The following PELI2 variants were observed in gnomAD, a reference collection of about 807,000 sequenced individuals.
The protein encoded by PELI2 is E3 ubiquitin-protein ligase pellino homolog 2.
In PELI2, 23 loss-of-function variants were observed where a neutral mutation model predicts 42.3. The observed-to-expected ratio is 0.54, with a 90% CI of 0.39 to 0.77. The LOEUF is 0.77. Ranked by LOEUF, PELI2 falls within the 30% of genes least tolerant of loss-of-function variation. The probability of loss-of-function intolerance (pLI) is 0.00; values close to 1 mark genes in which losing one functional copy is unlikely to be tolerated. For missense variants in PELI2, 463 were observed against 553.2 expected, an observed-to-expected ratio of 0.84 and a Z score of 1.64; for synonymous variants, 245 against 212.2, an observed-to-expected ratio of 1.15 and a Z score of -1.34.
chr14:56,186,696 G>A (rs1377522327), intron 2 of PELI2, among the ~76,000 whole-genome samples: 1 of 152,100 alleles, frequency 6.6e-6, no homozygotes, highest in Non-Finnish European at 1.5e-5. Flanking sequence ...GAGCAGGAAA[G>A]CTTGACTCTA....
intron 2 of PELI2, among the ~76,000 whole-genome samples, chr14:56,257,090 C>G (rs1275162665): frequency 2.6e-5 from 4 of 152,102 alleles, no homozygotes; most frequent in African/African-American, 9.7e-5. Context: ...TAGTGGGCAT[C>G]AAGGGCAAGT....
intron 2 of PELI2, among the ~76,000 whole-genome samples, chr14:56,199,698 A>G (rs560060313): frequency 1.4e-4 from 22 of 152,340 alleles, no homozygotes; most frequent in African/African-American, 5.3e-4. Context: ...AGGTTATATA[A>G]ACGGATAAGA....
chr14:56,160,256 G>A (rs1404731322), intron 1 of PELI2, among the ~76,000 whole-genome samples: 1 of 152,140 alleles, frequency 6.6e-6, no homozygotes, highest in East Asian at 1.9e-4. Flanking sequence ...ACACCACACT[G>A]TCCCAGAACC....
At chr14:56,164,756 A>C (rs1217825391) in intron 1 of PELI2, among the ~76,000 whole-genome samples, 1 of 151,778 alleles carries the variant, frequency 6.6e-6, no homozygotes, top group Non-Finnish European at 1.5e-5. Flanking sequence ...TTCCTGGTTC[A>C]ATCTTTGTAA....
chr14:56,198,391 TAGGG>T (rs1886216235), intron 2 of PELI2, among the ~76,000 whole-genome samples: 1 of 151,958 alleles, frequency 6.6e-6, no homozygotes, highest in East Asian at 1.9e-4. Context: ...GACCAGGAAA[TAGGG>T]AGGAGAACCC....
At chr14:56,275,124 G>C (rs1300468053) in intron 2 of PELI2, among the ~76,000 whole-genome samples, 1 of 152,138 alleles carries the variant, frequency 6.6e-6, no homozygotes, top group East Asian at 1.9e-4. Flanking sequence ...CTGCCACACT[G>C]TTGATGCTGG....
Position 56,171,238 on chromosome 14 carries a change from G to A in PELI2, c.78-7097G>A, listed in dbSNP as rs148088338. Among the ~76,000 whole-genome samples the A allele has an allele frequency of 4.6e-5, 7 of 152,202 alleles. No homozygotes were observed. The East Asian group carries it at 9.7e-4, about 21-fold the overall frequency. ...CTATAAGAGGTGATTAGGTCATGAC[G>A]GCTCCACCCTTGTAAATGATTAATG... On this transcript the variant is annotated intron_variant, in intron 1 of 5. Coordinates refer to ENST00000267460, the MANE Select transcript of PELI2 (RefSeq NM_021255.3).
At chr14:56,249,415 C>T (rs1409341123) in intron 2 of PELI2, among the ~76,000 whole-genome samples, 1 of 152,178 alleles carries the variant, frequency 6.6e-6, no homozygotes, top group Non-Finnish European at 1.5e-5. Context: ...CTCTCCTCCC[C>T]CAGATAACGT....
chr14:56,217,003 A>AT (rs904122300), intron 2 of PELI2, among the ~76,000 whole-genome samples: 28 of 151,870 alleles, frequency 1.8e-4, no homozygotes, highest in African/African-American at 5.6e-4. Context: ...TCTAGAAGTT[A>AT]TTTTTTTTTA....
At chr14:56,254,878 C>T (rs242581) in intron 2 of PELI2, among the ~76,000 whole-genome samples, 45,653 of 152,028 alleles carry the variant, frequency 0.3, 7,244 homozygotes, top group African/African-American at 0.4. Flanking sequence ...CCAACAAATA[C>T]GAAAAAATTT....
intron 2 of PELI2, among the ~76,000 whole-genome samples, chr14:56,275,946 C>G (rs1448923033): frequency 6.6e-6 from 1 of 152,152 alleles, no homozygotes; most frequent in Non-Finnish European, 1.5e-5. Context: ...GCTCTCCTTT[C>G]TGATATTTTG....
At chr14:56,205,981 C>T (rs1886505371) in intron 2 of PELI2, among the ~76,000 whole-genome samples, 1 of 144,556 alleles carries the variant, frequency 6.9e-6, no homozygotes, top group Non-Finnish European at 1.5e-5. Context: ...TATTTTGATG[C>T]ATGAAAAGAA....
At chr14:56,223,716 A>G (rs181212599) in intron 2 of PELI2, among the ~76,000 whole-genome samples, 1 of 152,356 alleles carries the variant, frequency 6.6e-6, no homozygotes, top group East Asian at 1.9e-4. Context: ...TGAGGGCCAA[A>G]TGCAGATTTC....
intron 1 of PELI2, among the ~76,000 whole-genome samples, chr14:56,166,726 G>A (rs1350884946): frequency 6.6e-6 from 1 of 151,932 alleles, no homozygotes; most frequent in African/African-American, 2.4e-5. Flanking sequence ...TGAAAAGTCT[G>A]CTGCCAGACA....
intron 1 of PELI2, among the ~76,000 whole-genome samples, chr14:56,174,739 G>T (rs140214472): frequency 6.6e-6 from 1 of 152,158 alleles, no homozygotes; most frequent in Non-Finnish European, 1.5e-5. Context: ...CTTCCCAGTC[G>T]AGCTTCTTGT....
chr14:56,204,861 C>A (rs1886456505), intron 2 of PELI2, among the ~76,000 whole-genome samples: 1 of 151,808 alleles, frequency 6.6e-6, no homozygotes, highest in East Asian at 1.9e-4. Context: ...GAAACCCTGT[C>A]TCTACTAAAA....
intron 2 of PELI2, among the ~76,000 whole-genome samples, chr14:56,228,774 G>A (rs985853012): frequency 5.3e-5 from 8 of 152,160 alleles, no homozygotes; most frequent in South Asian, 4.1e-4. Context: ...TGCAGCCCAC[G>A]GAGTGTGAGC....
chr14:56,172,986 C>T (rs1473599193), intron 1 of PELI2, among the ~76,000 whole-genome samples: 1 of 152,172 alleles, frequency 6.6e-6, no homozygotes, highest in Non-Finnish European at 1.5e-5. Context: ...CAGGCTCTGT[C>T]CCAGCTTTCC....
chr14:56,294,053 G>C (rs977693658), intron 5 of PELI2, among the ~76,000 whole-genome samples: 1 of 152,182 alleles, frequency 6.6e-6, no homozygotes, highest in Non-Finnish European at 1.5e-5. Context: ...ATGGTGGTGG[G>C]GCGGGGAAGG....
Sources: gnomAD v4.1 joint callset for allele counts (sites outside exome capture counted in the v4.1 genomes callset) on GRCh38, gnomAD v4.1.1 for gene constraint, MANE v1.5 for transcripts, NCBI Gene and HGNC (gene_info 2026-07-23, HGNC 2026-07-21) for gene names.